The following WDPCP variants were observed in gnomAD, a reference collection of about 807,000 sequenced individuals.
WDPCP encodes WD repeat containing planar cell polarity effector.
WDPCP carries 71 observed loss-of-function variants against 93.1 expected under a neutral mutation model. That is an observed-to-expected ratio of 0.76 (90% CI 0.63 to 0.93). The LOEUF (loss-of-function observed/expected upper bound fraction) is 0.93, where lower values mean the gene tolerates loss of function less well. WDPCP is among the 40% of genes least tolerant of loss of function. WDPCP has a pLI of 0.00. For synonymous variants in WDPCP, 315 were observed against 315.0 expected (o/e 1.00, Z 0.00); for missense variants, 844 against 887.4 (o/e 0.95, Z 0.62).
intron 17 of WDPCP, among the ~76,000 whole-genome samples, chr2:63,137,665 T>G (rs372033859): frequency 6.6e-6 from 1 of 152,176 alleles, no homozygotes; most frequent in African/African-American, 2.4e-5. Context: ...CTAGGTTTTC[T>G]TCTAGGGTTT....
At chr2:63,607,580 C>T (rs1709559736) in intron 3 of WDPCP, among the ~76,000 whole-genome samples, 1 of 151,582 alleles carries the variant, frequency 6.6e-6, no homozygotes, top group South Asian at 2.1e-4. Context: ...CCTGTAATCC[C>T]AGCACTTTGG....
chr2:63,744,454 T>C lies in WDPCP; in HGVS notation n.308+69168A>G, dbSNP rs146439703. Among the ~76,000 whole-genome samples, 627 of 152,216 alleles carry C rather than the reference T, an allele frequency of 4.1e-3. 3 individuals carry two copies. The highest frequency in any genetic ancestry group is 0.014 in the African/African-American group (587 of 41,536). On this transcript the variant is annotated intron_variant and non_coding_transcript_variant, in intron 2 of 4. Coordinates refer to the WDPCP transcript ENST00000467687. Reference sequence around the variant, plus strand: ...GGATGCCAGTTAATTGATAAGCTTCTTCCATAGTTACACTGTCCATACTTC... The same window carrying C: ...GGATGCCAGTTAATTGATAAGCTTCCTCCATAGTTACACTGTCCATACTTC...
chr2:63,695,065 G>T (rs760842278), intron 2 of WDPCP, among the ~76,000 whole-genome samples: 4 of 152,152 alleles, frequency 2.6e-5, no homozygotes, highest in Non-Finnish European at 5.9e-5. Context: ...CTTACTAAAT[G>T]AAAGTGTGAA....
At chr2:63,283,484 T>A (rs912433519) in intron 13 of WDPCP, among the ~76,000 whole-genome samples, 3 of 152,234 alleles carry the variant, frequency 2.0e-5, no homozygotes, top group Admixed American at 6.5e-5. Context: ...AAATAAAGTT[T>A]TATTAGAACG....
At chr2:63,232,814 G>GC (rs1401169069) in intron 14 of WDPCP, 1 of 155,886 alleles carries the variant, frequency 6.4e-6, no homozygotes, top group African/African-American at 2.4e-5. Context: ...GGTCTTACTA[G>GC]CACCTGCATG....
chr2:63,479,172 G>A (rs750206328), intron 6 of WDPCP, among the ~76,000 whole-genome samples: 4 of 151,966 alleles, frequency 2.6e-5, no homozygotes, highest in African/African-American at 4.8e-5. Context: ...CCAGTAACAG[G>A]CAGCAAGACT....
chr2:63,235,039 T>C (rs761611888), intron 14 of WDPCP, among the ~76,000 whole-genome samples: 1 of 151,890 alleles, frequency 6.6e-6, no homozygotes, highest in Non-Finnish European at 1.5e-5. Flanking sequence ...AAAAATAATA[T>C]AAAGGATAAA....
intron 14 of WDPCP, among the ~76,000 whole-genome samples, chr2:63,177,064 T>C (rs1029297663): frequency 1.3e-5 from 2 of 152,126 alleles, no homozygotes; most frequent in Non-Finnish European, 2.9e-5. Flanking sequence ...TGTTTGACCA[T>C]ATGGTTAATG....
chr2:63,168,094 A>G (rs1673118963), intron 15 of WDPCP, among the ~76,000 whole-genome samples: 2 of 132,540 alleles, frequency 1.5e-5, no homozygotes, highest in South Asian at 2.6e-4. Flanking sequence ...GCCAGGCAAG[A>G]GTGAGACCCT....
intron 10 of WDPCP, among the ~76,000 whole-genome samples, chr2:63,396,799 C>G (rs1693762501): frequency 6.6e-6 from 1 of 152,058 alleles, no homozygotes; most frequent in Non-Finnish European, 1.5e-5. Context: ...ACCTTTTCTG[C>G]TTCTCTCCCT....
chr2:63,614,618 C>A (rs1263341084), intron 3 of WDPCP, among the ~76,000 whole-genome samples: 1 of 152,164 alleles, frequency 6.6e-6, no homozygotes, highest in Non-Finnish European at 1.5e-5. Flanking sequence ...CCAAAGCAGG[C>A]CTATAAACTA....
At chr2:63,258,540 A>G (rs1232575135) in intron 14 of WDPCP, among the ~76,000 whole-genome samples, 3 of 67,572 alleles carry the variant, frequency 4.4e-5, no homozygotes, top group Non-Finnish European at 1.8e-4. Flanking sequence ...CAAGCACTTA[A>G]AAGTGGAAAT....
At chr2:63,278,503 T>G (rs1167781959) in intron 13 of WDPCP, among the ~76,000 whole-genome samples, 1 of 151,956 alleles carries the variant, frequency 6.6e-6, no homozygotes, top group Non-Finnish European at 1.5e-5. Context: ...AAAAATAAAA[T>G]TGATAGACAT....
intron 2 of WDPCP, among the ~76,000 whole-genome samples, chr2:63,698,442 G>A (rs573250575): frequency 6.6e-6 from 1 of 152,282 alleles, no homozygotes; most frequent in East Asian, 1.9e-4. Flanking sequence ...TAAACTCAGT[G>A]CCTGGGAGGC....
At chr2:63,470,178 TC>T (rs1362742361) in intron 6 of WDPCP, among the ~76,000 whole-genome samples, 1 of 152,218 alleles carries the variant, frequency 6.6e-6, no homozygotes, top group Non-Finnish European at 1.5e-5. Context: ...TGTTTCTCTG[TC>T]TACACCCACT....
At chr2:63,653,968 C>A (rs1335484937) in intron 2 of WDPCP, among the ~76,000 whole-genome samples, 2 of 149,894 alleles carry the variant, frequency 1.3e-5, no homozygotes, top group Admixed American at 6.6e-5. Context: ...GCTCATAACC[C>A]AGAGAAAAAT....
At chr2:63,167,153 T>C (rs1673053154) in intron 15 of WDPCP, among the ~76,000 whole-genome samples, 1 of 152,196 alleles carries the variant, frequency 6.6e-6, no homozygotes, top group South Asian at 2.1e-4. Context: ...TTATGTATTG[T>C]CTATGACTGT....
At chr2:63,343,543 T>C (rs1326132273) in intron 12 of WDPCP, among the ~76,000 whole-genome samples, 1 of 152,204 alleles carries the variant, frequency 6.6e-6, no homozygotes, top group Non-Finnish European at 1.5e-5. Flanking sequence ...TTGATTCTGC[T>C]TGAATTTTGT....
chr2:63,234,831 C>T (rs1559232158), intron 14 of WDPCP, among the ~76,000 whole-genome samples: 1 of 152,262 alleles, frequency 6.6e-6, no homozygotes, highest in Non-Finnish European at 1.5e-5. Context: ...CTATAATTCA[C>T]TTCTAACAGA....
Sources: allele counts gnomAD v4.1 joint callset (sites outside exome capture counted in the v4.1 genomes callset), GRCh38; gene constraint gnomAD v4.1.1; transcripts MANE v1.5; gene names NCBI Gene and HGNC (gene_info 2026-07-23, HGNC 2026-07-21).